ASCC3: variants seen among roughly 807,000 people sequenced by gnomAD.
ASCC3 encodes ASC-1 complex subunit P200.
A neutral mutation model predicts 256.3 loss-of-function variants in ASCC3; 158 were observed. That is an observed-to-expected ratio of 0.62 (90% CI 0.54 to 0.70). The LOEUF (loss-of-function observed/expected upper bound fraction) is 0.70. Ranked by LOEUF, ASCC3 falls within the 30% of genes least tolerant of loss-of-function variation. The probability of loss-of-function intolerance (pLI) is 0.00; values close to 1 mark genes in which losing one functional copy is unlikely to be tolerated. For missense variants in ASCC3, 2,259 were observed against 2,626.0 expected (o/e 0.86, Z 3.05); for synonymous variants, 948 against 883.4 (o/e 1.07, Z -1.30).
intron 4 of ASCC3, among the ~76,000 whole-genome samples, chr6:100,820,989 AAAC>A (rs1771011573): frequency 6.6e-6 from 1 of 152,168 alleles, no homozygotes; most frequent in Non-Finnish European, 1.5e-5. Flanking sequence ...GATGTGGAGA[AAAC>A]AGTTTGCTGT....
intron 2 of ASCC3, 69 bp from the exon 3 acceptor site, chr6:100,864,283 A>G: frequency 2.2e-6 from 3 of 1,351,256 alleles, no homozygotes; most frequent in South Asian, 1.2e-5. Context: ...CTGATTACAT[A>G]TATTTTGCAT....
intron 13 of ASCC3, among the ~76,000 whole-genome samples, chr6:100,707,222 T>G (rs1361900207): frequency 6.6e-6 from 1 of 152,090 alleles, no homozygotes; most frequent in Admixed American, 6.6e-5. Flanking sequence ...ACACAAAAAG[T>G]AAAAGGACAA....
chr6:100,870,282 T>A (rs1773679327), intron 1 of ASCC3, among the ~76,000 whole-genome samples: 1 of 151,884 alleles, frequency 6.6e-6, no homozygotes, highest in Admixed American at 6.6e-5. Flanking sequence ...GAGAATCGCT[T>A]GAACCTGGGA....
intron 11 of ASCC3, among the ~76,000 whole-genome samples, chr6:100,723,110 G>T (rs1427310546): frequency 6.6e-6 from 1 of 151,614 alleles, no homozygotes. Flanking sequence ...TAATGTGATA[G>T]AACAGAAATG....
intron 4 of ASCC3, among the ~76,000 whole-genome samples, chr6:100,829,705 G>A (rs1470084245): frequency 1.3e-5 from 2 of 152,226 alleles, no homozygotes; most frequent in African/African-American, 4.8e-5. Flanking sequence ...CAGAGGAGGT[G>A]CCAAGAGCGA....
At chr6:100,647,569 T>G in intron 20 of ASCC3, 118 bp from the exon 21 acceptor site, 1 of 827,724 alleles carries the variant, frequency 1.2e-6, no homozygotes, top group Admixed American at 2.1e-5. Flanking sequence ...ATCCTTGAAT[T>G]GTGGGGCAAT....
At chr6:100,564,177 A>G (rs982847141) in intron 36 of ASCC3, among the ~76,000 whole-genome samples, 6 of 151,832 alleles carry the variant, frequency 4.0e-5, no homozygotes, top group Non-Finnish European at 8.8e-5. Context: ...CGTGCATACA[A>G]TGTAGAATGA....
intron 23 of ASCC3, among the ~76,000 whole-genome samples, chr6:100,643,053 C>T (rs1775208097): frequency 6.6e-6 from 1 of 152,114 alleles, no homozygotes; most frequent in South Asian, 2.1e-4. Flanking sequence ...AATTACATAA[C>T]TTCATGATTT....
At chr6:100,564,994 G>A (rs1770157161) in intron 36 of ASCC3, among the ~76,000 whole-genome samples, 1 of 152,078 alleles carries the variant, frequency 6.6e-6, no homozygotes, top group South Asian at 2.1e-4. Context: ...TAAATACTTA[G>A]ACTTTAAATA....
Position 100,726,017 on chromosome 6 carries a change from CTA to C in ASCC3, c.1738-316_1738-315del, listed in dbSNP as rs555220647. On this transcript the variant is annotated intron_variant, in intron 10 of 41. Coordinates refer to ENST00000369162, the MANE Select transcript of ASCC3 (RefSeq NM_006828.4). The stretch of plus-strand genomic sequence containing the variant: ...AAAAAAAAAAAAAACAGTAAGAACA[CTA>C]TTTTTTAAAGTAGCATATACTGATA... Among the ~76,000 whole-genome samples the C allele has an allele frequency of 8.5e-4, 127 of 148,838 alleles. 2 individuals carry two copies. Among genetic ancestry groups the C allele is most frequent in the African/African-American group, 2.9e-3 (120 of 40,794 alleles).
intron 15 of ASCC3, 101 bp downstream of exon 15, chr6:100,662,244 A>T (rs1776260310): frequency 7.7e-7 from 1 of 1,297,728 alleles, no homozygotes. Flanking sequence ...ATTCAAAGTC[A>T]AGGAAACAGC....
At chr6:100,826,749 A>C (rs1771332438) in intron 4 of ASCC3, among the ~76,000 whole-genome samples, 1 of 152,220 alleles carries the variant, frequency 6.6e-6, no homozygotes, top group Admixed American at 6.5e-5. Context: ...TAAAGAATGA[A>C]GACCTGCTCC....
At chr6:100,549,088 T>G (rs1005729292) in intron 36 of ASCC3, among the ~76,000 whole-genome samples, 2 of 151,846 alleles carry the variant, frequency 1.3e-5, no homozygotes, top group African/African-American at 4.8e-5. Context: ...TGGTTGACCA[T>G]GGGTAACTGA....
At chr6:100,764,269 C>G (rs767901587) in intron 10 of ASCC3, among the ~76,000 whole-genome samples, 1 of 152,018 alleles carries the variant, frequency 6.6e-6, no homozygotes, top group Non-Finnish European at 1.5e-5. Flanking sequence ...AATGGTGCTA[C>G]GGGATTCAGG....
intron 13 of ASCC3, among the ~76,000 whole-genome samples, chr6:100,699,302 C>T (rs1778235705): frequency 6.6e-6 from 1 of 152,104 alleles, no homozygotes; most frequent in African/African-American, 2.4e-5. Flanking sequence ...GAATAAGTGT[C>T]ACAAGATCTG....
chr6:100,793,701 G>A (rs1419464214), intron 8 of ASCC3, among the ~76,000 whole-genome samples: 1 of 151,720 alleles, frequency 6.6e-6, no homozygotes, highest in Non-Finnish European at 1.5e-5. Context: ...TACAAGCCTA[G>A]CCTCACCTGG....
At chr6:100,879,296 A>T (rs1025783240) in intron 1 of ASCC3, among the ~76,000 whole-genome samples, 2 of 152,168 alleles carry the variant, frequency 1.3e-5, no homozygotes, top group South Asian at 4.1e-4. Context: ...TGGAGGCTTC[A>T]CTACATAGGC....
chr6:100,601,816 T>C lies in ASCC3; in HGVS notation c.5297A>G (p.Asn1766Ser). 6.2e-7 allele frequency: 1 copy of C among 1,612,232 alleles called. No individual in the cohort carries two copies. Residue 1766 changes from asparagine (N) to serine (S), a missense_variant, in exon 34 of 42, where the codon AAT (asparagine) becomes AGT (serine). Coordinates refer to ENST00000369162, the MANE Select transcript of ASCC3 (RefSeq NM_006828.4). ...WTYFFRRLIM[N>S]PSYYNLGDVS... ...TAACTGCCCTTGCACTTACCTGGGA[T>C]TCATGATAAGACGTCGGAAAAAGTA...
chr6:100,534,932 A>T (rs1039384914), intron 37 of ASCC3, among the ~76,000 whole-genome samples: 1 of 152,114 alleles, frequency 6.6e-6, no homozygotes, highest in African/African-American at 2.4e-5. Flanking sequence ...TGCTTCTATA[A>T]AATAAAGGGA....
Sources: gnomAD v4.1 joint callset for allele counts (sites outside exome capture counted in the v4.1 genomes callset) on GRCh38, gnomAD v4.1.1 for gene constraint, MANE v1.5 for transcripts, NCBI Gene and HGNC (gene_info 2026-07-23, HGNC 2026-07-21) for gene names.